Variants in POU6F2 observed in about 807,000 individuals in gnomAD.
POU6F2 encodes POU domain, class 6, transcription factor 2.
POU6F2 carries 31 observed loss-of-function variants against 71.3 expected under a neutral mutation model. That is an observed-to-expected ratio of 0.43 (90% confidence interval 0.33 to 0.59). The LOEUF (loss-of-function observed/expected upper bound fraction) is 0.59, where lower values mean the gene tolerates loss of function less well. Among genes scored for constraint, POU6F2 ranks in the 20% least tolerant of loss-of-function variants. The pLI is 0.04. For missense variants in POU6F2, 783 were observed against 856.8 expected, an observed-to-expected ratio of 0.91 and a Z score of 1.07; for synonymous variants, 347 against 355.7, an observed-to-expected ratio of 0.98 and a Z score of 0.27.
At chr7:39,338,124 A>G (rs904783584) in intron 4 of POU6F2, among the ~76,000 whole-genome samples, 3 of 152,218 alleles carry the variant, frequency 2.0e-5, no homozygotes, top group African/African-American at 7.2e-5. Flanking sequence ...TTCGATTTGA[A>G]TCAGGCAGGA....
intron 1 of POU6F2, among the ~76,000 whole-genome samples, chr7:39,021,752 A>G (rs1338571967): frequency 6.6e-6 from 1 of 152,050 alleles, no homozygotes; most frequent in Non-Finnish European, 1.5e-5. Context: ...TCATTTTAAA[A>G]TGTATAAAAA....
At chr7:39,289,474 A>AT (rs892539202) in intron 4 of POU6F2, among the ~76,000 whole-genome samples, 12 of 149,448 alleles carry the variant, frequency 8.0e-5, no homozygotes, top group South Asian at 2.1e-4. Context: ...GCGGGACTTC[A>AT]TTTTTTTTTT....
intron 1 of POU6F2, among the ~76,000 whole-genome samples, chr7:39,073,081 C>T (rs1012050130): frequency 6.6e-6 from 1 of 152,042 alleles, no homozygotes; most frequent in African/African-American, 2.4e-5. Flanking sequence ...TTCTCATTGT[C>T]CCTAGCACAA....
rs34830334 is a variant in POU6F2, at chr7:39,227,551, CT to C, written c.598+19952del. 5.4e-3 allele frequency among the ~76,000 whole-genome samples: 584 copies of C among 109,010 alleles called. 4 individuals are homozygous for C. Among genetic ancestry groups the C allele is most frequent in the African/African-American group, 0.016 (480 of 29,942 alleles). 71.5% of individuals were successfully genotyped at this position (109,010 alleles called of 152,430 possible). A position where few individuals can be genotyped will look rare whatever the true frequency, so the allele number is the denominator to read the frequency against. On this transcript the variant is annotated intron_variant, in intron 4 of 9. Transcript: ENST00000518318. Reference sequence around the variant, plus strand: ...CTGAGGTACCTCGTGACATTGGTACCTTTTTTTTTTTTTTTTTTTTTGAGAC... The same window carrying C: ...CTGAGGTACCTCGTGACATTGGTACCTTTTTTTTTTTTTTTTTTTTGAGAC...
At chr7:39,338,244 G>C (rs929305046) in intron 4 of POU6F2, among the ~76,000 whole-genome samples, 1 of 152,210 alleles carries the variant, frequency 6.6e-6, no homozygotes, top group Admixed American at 6.5e-5. Flanking sequence ...GGTCAGAATA[G>C]AGCAGGGCTC....
At chr7:39,447,634 T>C (rs1235106222) in intron 7 of POU6F2, among the ~76,000 whole-genome samples, 1 of 152,220 alleles carries the variant, frequency 6.6e-6, no homozygotes, top group Non-Finnish European at 1.5e-5. Flanking sequence ...ATTACTCACA[T>C]ATTTGGCCTT....
chr7:38,984,212 G>A (rs139533648), intron 1 of POU6F2: 6 of 152,200 alleles, frequency 3.9e-5, no homozygotes, highest in African/African-American at 1.4e-4. Context: ...GGTCAAAGAT[G>A]CAAATAAACG....
At chr7:39,089,748 A>G (rs1791324323) in intron 2 of POU6F2, among the ~76,000 whole-genome samples, 1 of 152,214 alleles carries the variant, frequency 6.6e-6, no homozygotes, top group Non-Finnish European at 1.5e-5. Context: ...TATGTGTGCT[A>G]AAGTTTTCCC....
chr7:39,270,579 A>C (rs1300182787), intron 4 of POU6F2, among the ~76,000 whole-genome samples: 1 of 152,100 alleles, frequency 6.6e-6, no homozygotes, highest in Admixed American at 6.5e-5. Context: ...AGGGTGCACA[A>C]GTGTTTGCAG....
chr7:39,338,752 T>TAGA (rs1204529609), intron 4 of POU6F2, among the ~76,000 whole-genome samples: 3 of 152,248 alleles, frequency 2.0e-5, no homozygotes, highest in Non-Finnish European at 4.4e-5. Flanking sequence ...AGACCATTCT[T>TAGA]AGGTCAAACT....
intron 2 of POU6F2, among the ~76,000 whole-genome samples, chr7:39,176,586 T>C (rs1562734578): frequency 6.6e-6 from 1 of 152,170 alleles, no homozygotes; most frequent in Admixed American, 6.5e-5. Context: ...TTCCAAAATA[T>C]GCTTCCTGGA....
intron 5 of POU6F2, among the ~76,000 whole-genome samples, chr7:39,383,752 C>G (rs1427828029): frequency 6.6e-6 from 1 of 152,192 alleles, no homozygotes; most frequent in African/African-American, 2.4e-5. Flanking sequence ...GATGAATTAC[C>G]ATTTCTCTCT....
At chr7:39,238,755 T>C (rs1357430205) in intron 4 of POU6F2, among the ~76,000 whole-genome samples, 1 of 152,146 alleles carries the variant, frequency 6.6e-6, no homozygotes, top group Non-Finnish European at 1.5e-5. Context: ...GGTCTGATAG[T>C]GAAGACTCCA....
At chr7:39,288,465 G>C (rs1330968742) in intron 4 of POU6F2, among the ~76,000 whole-genome samples, 3 of 152,192 alleles carry the variant, frequency 2.0e-5, no homozygotes, top group Admixed American at 2.0e-4. Flanking sequence ...GCAAACACTA[G>C]TTCCTTTCTT....
At chr7:39,005,593 G>A (rs1040764947) in intron 1 of POU6F2, among the ~76,000 whole-genome samples, 1 of 148,632 alleles carries the variant, frequency 6.7e-6, no homozygotes, top group African/African-American at 2.5e-5. Context: ...ATAGCCGCAC[G>A]CTATCTTGAC....
At chr7:39,073,301 T>A (rs1450093867) in intron 1 of POU6F2, among the ~76,000 whole-genome samples, 1 of 151,806 alleles carries the variant, frequency 6.6e-6, no homozygotes, top group Admixed American at 6.6e-5. Flanking sequence ...GTTTATAGTT[T>A]GAATTGGAAA....
intron 1 of POU6F2, among the ~76,000 whole-genome samples, chr7:39,081,158 TA>T (rs1271966716): frequency 6.6e-6 from 1 of 152,210 alleles, no homozygotes; most frequent in Non-Finnish European, 1.5e-5. Context: ...TACACATAAA[TA>T]AACTAAGAAA....
chr7:39,012,924 TC>T (rs1789343415), intron 1 of POU6F2, among the ~76,000 whole-genome samples: 1 of 152,108 alleles, frequency 6.6e-6, no homozygotes, highest in African/African-American at 2.4e-5. Context: ...ACTGCTCTCT[TC>T]AAAGCTGTCA....
intron 1 of POU6F2, among the ~76,000 whole-genome samples, chr7:39,010,804 G>T (rs1395598809): frequency 6.7e-6 from 1 of 148,764 alleles, no homozygotes; most frequent in African/African-American, 2.5e-5. Context: ...TCAGGAGCAG[G>T]TTGTTCAGTT....
Sources: gnomAD v4.1 joint callset for allele counts (sites outside exome capture counted in the v4.1 genomes callset) on GRCh38, gnomAD v4.1.1 for gene constraint, MANE v1.5 for transcripts, NCBI Gene and HGNC (gene_info 2026-07-23, HGNC 2026-07-21) for gene names.